The following RALYL variants were observed in gnomAD, a reference collection of about 807,000 sequenced individuals.
RALYL encodes the protein RNA-binding Raly-like protein.
A neutral mutation model predicts 35.1 loss-of-function variants in RALYL; 29 were observed. The observed-to-expected ratio is 0.83, with a 90% CI of 0.61 to 1.13. RALYL has a LOEUF of 1.13. Among genes scored for constraint, RALYL ranks in the 50% most tolerant of loss-of-function variants. RALYL has a pLI of 0.00. For synonymous variants in RALYL, 120 were observed against 127.6 expected (o/e 0.94, Z 0.40); for missense variants, 359 against 360.4 (o/e 1.00, Z 0.03).
At chr8:84,818,895 T>C in intron 4 of RALYL, among the ~76,000 whole-genome samples, 1 of 152,182 alleles carries the variant, frequency 6.6e-6, no homozygotes, top group East Asian at 1.9e-4. Flanking sequence ...TCAGTTAGAC[T>C]TGATGGGATC....
intron 1 of RALYL, among the ~76,000 whole-genome samples, chr8:84,449,911 T>A (rs1406454348): frequency 1.3e-5 from 2 of 152,054 alleles, no homozygotes; most frequent in Middle Eastern, 3.4e-3. Context: ...AATATTTAAA[T>A]CTTCAGTAGA....
At chr8:84,443,240 G>A (rs1360274585) in intron 1 of RALYL, among the ~76,000 whole-genome samples, 2 of 152,098 alleles carry the variant, frequency 1.3e-5, no homozygotes, top group Non-Finnish European at 2.9e-5. Context: ...CTAACAAAGA[G>A]CTAGTAGAGA....
intron 2 of RALYL, among the ~76,000 whole-genome samples, chr8:84,652,852 G>T (rs1829133772): frequency 6.6e-6 from 1 of 151,988 alleles, no homozygotes; most frequent in Non-Finnish European, 1.5e-5. Flanking sequence ...TCATTTGGAT[G>T]ATAAATTTTA....
intron 2 of RALYL, among the ~76,000 whole-genome samples, chr8:84,739,124 ATATGT>A (rs1847839038): frequency 6.6e-6 from 1 of 152,058 alleles, no homozygotes; most frequent in South Asian, 2.1e-4. Context: ...ATTTACATTC[ATATGT>A]TATATCTTCC....
At chr8:84,836,631 T>C (rs181531754) in intron 4 of RALYL, among the ~76,000 whole-genome samples, 5 of 152,338 alleles carry the variant, frequency 3.3e-5, no homozygotes, top group Non-Finnish European at 1.5e-5. Context: ...AATGAACAGA[T>C]TTTTGTTCAC....
chr8:84,446,920 A>G (rs1467688088), intron 1 of RALYL, among the ~76,000 whole-genome samples: 1 of 152,136 alleles, frequency 6.6e-6, no homozygotes, highest in African/African-American at 2.4e-5. Context: ...CAAAACTGCA[A>G]TAAAAATTGT....
intron 1 of RALYL, among the ~76,000 whole-genome samples, chr8:84,319,581 T>C (rs1345185598): frequency 2.0e-5 from 3 of 152,094 alleles, no homozygotes; most frequent in Non-Finnish European, 4.4e-5. Context: ...GATGATACGC[T>C]CAAAGAACTT....
intron 1 of RALYL, among the ~76,000 whole-genome samples, chr8:84,199,417 A>G (rs1018932967): frequency 6.6e-6 from 1 of 152,008 alleles, no homozygotes; most frequent in African/African-American, 2.4e-5. Context: ...CAGATGGGCA[A>G]TTTGCAATTT....
intron 2 of RALYL, among the ~76,000 whole-genome samples, chr8:84,620,961 C>A (rs1225117855): frequency 1.3e-5 from 2 of 152,110 alleles, no homozygotes; most frequent in Non-Finnish European, 2.9e-5. Context: ...TCTCAGATCT[C>A]CAGCTGCGTG....
At chr8:84,333,313 A>T (rs1055229788) in intron 1 of RALYL, among the ~76,000 whole-genome samples, 1 of 152,140 alleles carries the variant, frequency 6.6e-6, no homozygotes, top group Non-Finnish European at 1.5e-5. Context: ...GAGATGCACT[A>T]GGTGTTCTTT....
intron 4 of RALYL, among the ~76,000 whole-genome samples, chr8:84,823,873 A>C (rs1829050465): frequency 6.6e-6 from 1 of 152,120 alleles, no homozygotes; most frequent in Non-Finnish European, 1.5e-5. Context: ...TCAAAATATT[A>C]AGAGGCATCT....
At chr8:84,549,495 A>C (rs78086048) in intron 2 of RALYL, among the ~76,000 whole-genome samples, 4,919 of 152,204 alleles carry the variant, frequency 0.032, 268 homozygotes, top group African/African-American at 0.11. Flanking sequence ...CTAGGGCTAG[A>C]AGTGGAAAAA....
chr8:84,371,062 A>G (rs887807771), intron 1 of RALYL, among the ~76,000 whole-genome samples: 5 of 151,964 alleles, frequency 3.3e-5, no homozygotes, highest in Admixed American at 3.3e-4. Context: ...GTAAGAATTA[A>G]TTGTGCTACT....
intron 1 of RALYL, among the ~76,000 whole-genome samples, chr8:84,455,231 C>T (rs1401532213): frequency 6.6e-6 from 1 of 151,874 alleles, no homozygotes; most frequent in Non-Finnish European, 1.5e-5. Context: ...TTCATGTTAA[C>T]CCTTTTTTAA....
At chr8:84,572,866 C>T (rs1411268116) in intron 2 of RALYL, among the ~76,000 whole-genome samples, 1 of 151,090 alleles carries the variant, frequency 6.6e-6, no homozygotes, top group Non-Finnish European at 1.5e-5. Flanking sequence ...GTTCTATTTC[C>T]TTTTTTTTCC....
chr8:84,920,000 G>A (rs1849072989), intron 8 of RALYL, among the ~76,000 whole-genome samples: 1 of 152,010 alleles, frequency 6.6e-6, no homozygotes, highest in African/African-American at 2.4e-5. Flanking sequence ...GCCACACTCA[G>A]TCTTTTTCAT....
At chr8:84,877,524 G>GCA (rs1265154817) in intron 7 of RALYL, among the ~76,000 whole-genome samples, 1 of 151,040 alleles carries the variant, frequency 6.6e-6, no homozygotes, top group Non-Finnish European at 1.5e-5. Context: ...ACACATATAC[G>GCA]CACACACATA....
intron 1 of RALYL, among the ~76,000 whole-genome samples, chr8:84,379,356 A>G (rs1857504232): frequency 6.6e-6 from 1 of 151,858 alleles, no homozygotes; most frequent in African/African-American, 2.4e-5. Flanking sequence ...TGTTCCCTTG[A>G]CTGATTGTAC....
At chr8:84,853,393 C>CAGAT (rs1046124616) in intron 5 of RALYL, among the ~76,000 whole-genome samples, 31 of 152,266 alleles carry the variant, frequency 2.0e-4, no homozygotes, top group African/African-American at 6.3e-4. Context: ...GATAGATCGA[C>CAGAT]AGATAGATAG....
Sources: gnomAD v4.1 joint callset for allele counts (sites outside exome capture counted in the v4.1 genomes callset) on GRCh38, gnomAD v4.1.1 for gene constraint, MANE v1.5 for transcripts, NCBI Gene and HGNC (gene_info 2026-07-23, HGNC 2026-07-21) for gene names.